Variants in DLC1 observed in about 807,000 individuals in gnomAD.
DLC1 encodes rho GTPase-activating protein 7.
A neutral mutation model predicts 140.3 loss-of-function variants in DLC1; 54 were observed. That is an observed-to-expected ratio of 0.38 (90% CI 0.31 to 0.48). The LOEUF is 0.48. Ranked by LOEUF, DLC1 falls within the 20% of genes least tolerant of loss-of-function variation. DLC1 has a pLI of 0.96. For missense variants in DLC1, 2,536 were observed against 1,907.0 expected (o/e 1.33, Z -6.14); for synonymous variants, 986 against 728.1 (o/e 1.35, Z -5.70).
intron 1 of DLC1, among the ~76,000 whole-genome samples, chr8:13,507,248 C>T (rs528272072): frequency 2.2e-4 from 33 of 152,258 alleles, no homozygotes; most frequent in Non-Finnish European, 4.6e-4. Flanking sequence ...AAGAGGAATG[C>T]TCTTTACGAC....
chr8:13,336,517 A>T (rs1833815434), intron 4 of DLC1, among the ~76,000 whole-genome samples: 1 of 152,232 alleles, frequency 6.6e-6, no homozygotes, highest in Admixed American at 6.5e-5. Flanking sequence ...AGACTAAACC[A>T]AGATAAAGCC....
intron 4 of DLC1, among the ~76,000 whole-genome samples, chr8:13,355,186 ACTTATTAT>A (rs1292616143): frequency 4.5e-4 from 19 of 42,630 alleles, no homozygotes; most frequent in Admixed American, 8.3e-4. Flanking sequence ...TTAAACTAAA[ACTTATTAT>A]CTGTATTAGT....
In DLC1 at chr8:13,514,650, C is replaced by G. The variant is rs1325610530; in HGVS notation, c.-174G>C. On this transcript the variant is annotated 5_prime_UTR_variant, in exon 1 of 18. Transcript: ENST00000276297. ...CCAAGGCATGACACTGCTCAACACT[C>G]AGGCTAGGAAAGAAGTCCGTCCCCG... 9 of 398,524 alleles carry G rather than the reference C, an allele frequency of 2.3e-5. No individual in the cohort carries two copies. The highest frequency in any genetic ancestry group is 4.0e-5 in the Non-Finnish European group (9 of 226,100). 24.7% of individuals were successfully genotyped at this position (398,524 alleles called of 1,614,324 possible). A position where few individuals can be genotyped will look rare whatever the true frequency, so the allele number is the denominator to read the frequency against.
Position 13,100,182 on chromosome 8 carries a change from G to C in DLC1, c.2155C>G (p.Leu719Val). Residue 719 changes from leucine to valine, a missense_variant, in exon 9 of 18, where the codon CTC becomes GTC. Leu to Val is a conservative substitution (Grantham distance 32, BLOSUM62 1). Coordinates refer to ENST00000276297, the MANE Select transcript of DLC1 (RefSeq NM_182643.3). ...GGGACGTTGATGCGGTTGCCATTGA[G>C]GGCGGAGATCTCCACGCAGTTGAGC... is the stretch of plus-strand genomic sequence containing the variant. ...KQLNCVEISA[L>V]NGNRINVPMV... 8 of 1,612,946 alleles carry C rather than the reference G, an allele frequency of 5.0e-6. No individual in the cohort carries two copies. Among genetic ancestry groups the C allele is most frequent in the Non-Finnish European group, 6.8e-6 (8 of 1,179,672 alleles).
At chr8:13,375,026 GA>G (rs1378833328) in intron 4 of DLC1, among the ~76,000 whole-genome samples, 1,546 of 94,270 alleles carry the variant, frequency 0.016, 38 homozygotes, top group African/African-American at 0.055. Flanking sequence ...GAATGCTTGT[GA>G]TTTTTTTTTT....
At chr8:13,345,009 T>C (rs1033338935) in intron 4 of DLC1, among the ~76,000 whole-genome samples, 1 of 152,112 alleles carries the variant, frequency 6.6e-6, no homozygotes, top group African/African-American at 2.4e-5. Context: ...AAGAGGTGCA[T>C]AGAATCATAT....
chr8:13,544,331 G>C (rs1435404197), intron 1 of DLC1, among the ~76,000 whole-genome samples: 1 of 152,088 alleles, frequency 6.6e-6, no homozygotes, highest in Non-Finnish European at 1.5e-5. Context: ...ATTTTTATCA[G>C]TGATTGTTCT....
intron 5 of DLC1, among the ~76,000 whole-genome samples, chr8:13,140,609 C>A (rs1183949227): frequency 1.3e-5 from 2 of 151,900 alleles, no homozygotes; most frequent in Admixed American, 6.6e-5. Flanking sequence ...GGGATATTAA[C>A]CATGTGCCAT....
intron 1 of DLC1, among the ~76,000 whole-genome samples, chr8:13,512,552 T>C (rs1445374171): frequency 2.0e-5 from 3 of 152,142 alleles, no homozygotes; most frequent in Non-Finnish European, 4.4e-5. Flanking sequence ...TGTAAACATA[T>C]TTTTTATATG....
In DLC1 at chr8:13,085,775, A is replaced by G. The variant is rs1356418196; in HGVS notation, c.*36T>C. 1 of 1,613,388 alleles carries G rather than the reference A, an allele frequency of 6.2e-7. No individual in the cohort carries two copies. The highest frequency in any genetic ancestry group is 1.1e-5 in the South Asian group (1 of 90,998). ...ACTGGCAAAAGTTCTAGAAACAAACACCATGGTGGTGGAAGCGGTTGCGTT... is the reference window on the plus strand; with the variant it reads ...ACTGGCAAAAGTTCTAGAAACAAACGCCATGGTGGTGGAAGCGGTTGCGTT... On this transcript the variant is annotated 3_prime_UTR_variant, in exon 18 of 18. Coordinates refer to ENST00000276297, the MANE Select transcript of DLC1 (RefSeq NM_182643.3).
intron 2 of DLC1, among the ~76,000 whole-genome samples, chr8:13,486,975 C>G (rs574800459): frequency 6.6e-6 from 1 of 152,162 alleles, no homozygotes; most frequent in Non-Finnish European, 1.5e-5. Flanking sequence ...GATATTGACT[C>G]AAAGTCCCAT....
chr8:13,567,513 C>T (rs532008604), intron 1 of DLC1: 1 of 1,551,854 alleles, frequency 6.4e-7, no homozygotes, highest in Non-Finnish European at 8.7e-7. Context: ...AACTTTTGAA[C>T]AGAATCTACT....
chr8:13,237,201 G>A (rs898899549), intron 5 of DLC1, among the ~76,000 whole-genome samples: 7 of 124,782 alleles, frequency 5.6e-5, no homozygotes, highest in African/African-American at 1.8e-4. Context: ...ATATATATGT[G>A]TGTGTGTGTG....
intron 4 of DLC1, chr8:13,341,278 T>A (rs1834033107): frequency 6.6e-6 from 1 of 152,198 alleles, no homozygotes; most frequent in Non-Finnish European, 1.5e-5. Context: ...CCACTGGGAA[T>A]TGTCTAGTCT....
intron 5 of DLC1, among the ~76,000 whole-genome samples, chr8:13,212,318 G>A (rs1274762573): frequency 6.6e-6 from 1 of 152,080 alleles, no homozygotes; most frequent in Non-Finnish European, 1.5e-5. Flanking sequence ...GTCCATGTGT[G>A]CGTACACATT....
chr8:13,271,599 A>G (rs1241849293), intron 5 of DLC1, among the ~76,000 whole-genome samples: 1 of 152,212 alleles, frequency 6.6e-6, no homozygotes, highest in Non-Finnish European at 1.5e-5. Flanking sequence ...GTTGACTCTC[A>G]CTTGCATAGA....
chr8:13,590,278 T>C (rs183850618), intron 1 of DLC1, among the ~76,000 whole-genome samples: 86 of 152,058 alleles, frequency 5.7e-4, no homozygotes, highest in Non-Finnish European at 7.9e-4. Flanking sequence ...CTTTCTAAGG[T>C]AGAAGCCATA....
At chr8:13,387,537 A>T (rs999997874) in intron 4 of DLC1, among the ~76,000 whole-genome samples, 4 of 152,002 alleles carry the variant, frequency 2.6e-5, no homozygotes, top group African/African-American at 4.8e-5. Flanking sequence ...TCACAAGCAC[A>T]GTGACTTTAG....
intron 4 of DLC1, among the ~76,000 whole-genome samples, chr8:13,319,216 A>C (rs1586129359): frequency 6.6e-6 from 1 of 152,246 alleles, no homozygotes; most frequent in Admixed American, 6.5e-5. Context: ...GAAAAGTGAA[A>C]GTAACTTATT....
Sources: gnomAD v4.1 joint callset for allele counts (sites outside exome capture counted in the v4.1 genomes callset) on GRCh38, gnomAD v4.1.1 for gene constraint, MANE v1.5 for transcripts, NCBI Gene and HGNC (gene_info 2026-07-23, HGNC 2026-07-21) for gene names.